KLHDC8A: variants seen among roughly 807,000 people sequenced by gnomAD.
The protein encoded by KLHDC8A is kelch domain-containing protein 8A.
Under a neutral mutation model 33.1 loss-of-function variants are expected in KLHDC8A, and 21 were observed. The observed-to-expected ratio is 0.64, with a 90% CI of 0.45 to 0.91. The LOEUF is 0.91. Ranked by LOEUF, KLHDC8A falls within the 40% of genes least tolerant of loss-of-function variation. The pLI is 0.00. For missense variants in KLHDC8A, 435 were observed against 483.3 expected (o/e 0.90, Z 0.94); for synonymous variants, 173 against 193.5 (o/e 0.89, Z 0.88).
chr1:205,351,747 C>T (rs9793191), intron 1 of KLHDC8A, among the ~76,000 whole-genome samples: 62,254 of 151,220 alleles, frequency 0.41, 13,124 homozygotes, highest in African/African-American at 0.5. Context: ...GGAGAAACCC[C>T]GTCTCTACTA....
Position 205,339,866 on chromosome 1 carries a change from C to T in KLHDC8A, c.377-58G>A. ...AGCTCACAGGTACAGCAAGACAGGC[C>T]CACCAGCATCTATTGCCTCCCATGG... On this transcript the variant is annotated intron_variant, in intron 2 of 5. Coordinates refer to ENST00000367155, the MANE Select transcript of KLHDC8A (RefSeq NM_018203.3). This position sits in a 1 kb window ranked among gnomAD's most constrained non-coding sequence, Gnocchi z 5.1. 1 of 1,534,136 alleles carries T rather than the reference C, an allele frequency of 6.5e-7. No homozygotes were observed. Among genetic ancestry groups the T allele is most frequent in the Non-Finnish European group, 8.9e-7 (1 of 1,125,428 alleles).
intron 1 of KLHDC8A, among the ~76,000 whole-genome samples, chr1:205,352,550 G>A (rs1055903317): frequency 2.0e-5 from 3 of 152,334 alleles, no homozygotes; most frequent in East Asian, 1.9e-4. Flanking sequence ...GCCATCTGGC[G>A]TGCTGACCTG....
At chr1:205,352,993 G>A (rs887680359) in intron 1 of KLHDC8A, among the ~76,000 whole-genome samples, 1 of 152,218 alleles carries the variant, frequency 6.6e-6, no homozygotes, top group African/African-American at 2.4e-5. Context: ...GATCCAGTGT[G>A]TCCTTTGTTC....
At chr1:205,356,420 C>A in intron 1 of KLHDC8A, 113 bp downstream of exon 1, 1 of 419,936 alleles carries the variant, frequency 2.4e-6, no homozygotes, top group Non-Finnish European at 4.9e-6. Flanking sequence ...CCCATGCCAG[C>A]CTGTCTACCT....
intron 4 of KLHDC8A, 42 bp from the exon 5 acceptor site, chr1:205,338,638 G>T: frequency 6.7e-7 from 1 of 1,502,600 alleles, no homozygotes; most frequent in Non-Finnish European, 9.3e-7. Context: ...GACAGAATAA[G>T]ATACAGACCA....
chr1:205,344,987 T>G (rs1439265207), intron 1 of KLHDC8A, among the ~76,000 whole-genome samples: 1 of 152,168 alleles, frequency 6.6e-6, no homozygotes, highest in Non-Finnish European at 1.5e-5. Flanking sequence ...ATCTCCGTCC[T>G]CGGCACCAAC....
At chr1:205,340,626 A>G (rs559265982) in intron 2 of KLHDC8A, among the ~76,000 whole-genome samples, 136 of 152,206 alleles carry the variant, frequency 8.9e-4, no homozygotes, top group African/African-American at 3.2e-3. Context: ...CTGGGATTAC[A>G]GATGCCTGCC....
intron 1 of KLHDC8A, among the ~76,000 whole-genome samples, chr1:205,352,572 C>T (rs572553125): frequency 5.3e-4 from 80 of 152,322 alleles, no homozygotes; most frequent in African/African-American, 1.8e-3. Context: ...GCTCTCTGTG[C>T]TGGAGACGGG....
chr1:205,351,873 G>T (rs943982540), intron 1 of KLHDC8A, among the ~76,000 whole-genome samples: 1 of 151,750 alleles, frequency 6.6e-6, no homozygotes, highest in East Asian at 1.9e-4. Flanking sequence ...GAGCTGAGAT[G>T]GTGCCATTGC....
intron 1 of KLHDC8A, among the ~76,000 whole-genome samples, chr1:205,355,579 A>G (rs1477277953): frequency 1.3e-5 from 2 of 152,204 alleles, no homozygotes; most frequent in African/African-American, 4.8e-5. Context: ...TTTAACAAGT[A>G]TATGGTGCTC....
Position 205,336,697 on chromosome 1 carries a change from G to A in KLHDC8A, c.*702C>T, listed in dbSNP as rs1662642468. On this transcript the variant is annotated 3_prime_UTR_variant, in exon 6 of 6. Coordinates refer to ENST00000367155, the MANE Select transcript of KLHDC8A (RefSeq NM_018203.3). ...GGGAGGGGGTGGCAAAAGGTGAAGT[G>A]GAATTAGGAGAGATGTGGGGAGCAG... 6.6e-6 allele frequency: 1 copy of A among 152,576 alleles called. No homozygotes were observed. Among genetic ancestry groups the A allele is most frequent in the Non-Finnish European group, 1.5e-5 (1 of 68,114 alleles). The allele number at this position is 152,576 out of a possible 1,614,324, so 9.5% of individuals were successfully genotyped here.
At chr1:205,338,433 T>G in intron 5 of KLHDC8A, 62 bp downstream of exon 5, 1 of 1,311,300 alleles carries the variant, frequency 7.6e-7, no homozygotes, top group Non-Finnish European at 1.1e-6. Flanking sequence ...ATATGCAAAG[T>G]GCCAAGGATC....
At chr1:205,350,694 C>T (rs866762201) in intron 1 of KLHDC8A, among the ~76,000 whole-genome samples, 15 of 151,800 alleles carry the variant, frequency 9.9e-5, no homozygotes, top group Middle Eastern at 3.4e-3. Context: ...AGCTGAGAGA[C>T]GGCTCTGAAT....
rs781408626 is a variant in KLHDC8A, at chr1:205,339,459, A to G, written c.542-50T>C. ...TTGGGCAGAAGGGTTGTCCCTGAGG[A>G]CAGCGACAGTGAAAAGGGTTTCCCC... On this transcript the variant is annotated intron_variant, in intron 3 of 5. Coordinates refer to ENST00000367155, the MANE Select transcript of KLHDC8A (RefSeq NM_018203.3). This position sits in a 1 kb window ranked among gnomAD's most constrained non-coding sequence, Gnocchi z 5.1. The G allele has an allele frequency of 6.5e-6, 10 of 1,549,298 alleles. No individual in the cohort carries two copies. Among genetic ancestry groups the G allele is most frequent in the Non-Finnish European group, 6.2e-6 (7 of 1,127,484 alleles).
At position 205,337,488 on chromosome 1, in the gene KLHDC8A, T is replaced by C. The variant is rs745419005; in HGVS notation, c.964A>G (p.Ile322Val). 3 of 1,613,956 alleles carry C rather than the reference T, an allele frequency of 1.9e-6. No individual in the cohort carries two copies. In the South Asian group the frequency reaches 3.3e-5, roughly 18 times the overall value. The stretch of plus-strand genomic sequence containing the variant: ...GCGAGGAGGCAGTTCTTGACGACTA[T>C]GCTGGAGCAGGCACAGCGGGGTGTG... ...MPTPRCACSS[I>V]VVKNCLLAVG... Residue 322 changes from isoleucine (I) to valine (V), a missense_variant, in exon 6 of 6, where the codon ATA (isoleucine) becomes GTA (valine). Ile to Val is a conservative substitution (Grantham distance 29). Transcript: ENST00000367155.
At chr1:205,344,974 C>G (rs1384023085) in intron 1 of KLHDC8A, among the ~76,000 whole-genome samples, 1 of 152,170 alleles carries the variant, frequency 6.6e-6, no homozygotes, top group African/African-American at 2.4e-5. Flanking sequence ...ACCTGATGAT[C>G]AAATCTCCGT....
At chr1:205,348,967 T>A (rs1663020296) in intron 1 of KLHDC8A, among the ~76,000 whole-genome samples, 1 of 152,188 alleles carries the variant, frequency 6.6e-6, no homozygotes, top group Non-Finnish European at 1.5e-5. Context: ...ACCAGAAGCA[T>A]GGTCCTTATT....
chr1:205,356,481 C>A (rs2298250), intron 1 of KLHDC8A, 52 bp downstream of exon 1: 246,854 of 452,486 alleles, frequency 0.55, 69,180 homozygotes, highest in Middle Eastern at 0.59. Context: ...ACCAGCAGGC[C>A]CTCAGAATGC....
At chr1:205,352,968 G>T (rs1010749177) in intron 1 of KLHDC8A, among the ~76,000 whole-genome samples, 15 of 152,336 alleles carry the variant, frequency 9.8e-5, no homozygotes, top group African/African-American at 3.4e-4. Context: ...CCCCCCACGA[G>T]GAACCACCAC....
Sources: gnomAD v4.1 joint callset for allele counts (sites outside exome capture counted in the v4.1 genomes callset) on GRCh38, gnomAD v4.1.1 for gene constraint, Gnocchi (gnomAD v3.1) non-coding constraint, MANE v1.5 for transcripts, NCBI Gene and HGNC (gene_info 2026-07-23, HGNC 2026-07-21) for gene names.